The following SLC24A2 variants were observed in gnomAD, a reference collection of about 807,000 sequenced individuals.
SLC24A2 encodes sodium/potassium/calcium exchanger 2.
A neutral mutation model predicts 62.0 loss-of-function variants in SLC24A2; 36 were observed. The observed-to-expected ratio is 0.58, with a 90% CI of 0.44 to 0.77. The LOEUF (loss-of-function observed/expected upper bound fraction) is 0.77, where lower values mean the gene tolerates loss of function less well. SLC24A2 is among the 30% of genes least tolerant of loss of function. The pLI is 0.00. For missense variants in SLC24A2, 846 were observed against 817.9 expected, an observed-to-expected ratio of 1.03 and a Z score of -0.42; for synonymous variants, 358 against 294.0, an observed-to-expected ratio of 1.22 and a Z score of -2.23.
Position 19,632,672 on chromosome 9 carries a change from T to C in SLC24A2, c.931-10373A>G, listed in dbSNP as rs934344621. Among the ~76,000 whole-genome samples the C allele has an allele frequency of 2.0e-5, 3 of 152,196 alleles. No individual in the cohort carries two copies. The highest frequency in any genetic ancestry group is 4.4e-5 in the Non-Finnish European group (3 of 68,034). On this transcript the variant is annotated intron_variant, in intron 2 of 10. Coordinates refer to ENST00000341998, the MANE Select transcript of SLC24A2 (RefSeq NM_020344.4). The surrounding 1 kb of genome is among the most constrained non-coding windows in gnomAD (Gnocchi z 4.5). ...GAAATAATTATAGATTCACAAATAG[T>C]TGCAAAAATATGTATAGGGTGGTCC...
At chr9:20,145,834 A>T in the SLC24A2 span, among the ~76,000 whole-genome samples, 6 of 151,976 alleles carry the variant, frequency 3.9e-5, no homozygotes, top group Non-Finnish European at 7.4e-5. Flanking sequence ...ATAGCCATAC[A>T]TACATGTATT....
intron 2 of SLC24A2, among the ~76,000 whole-genome samples, chr9:19,732,585 G>A (rs1332447234): frequency 6.6e-6 from 1 of 152,196 alleles, no homozygotes; most frequent in Non-Finnish European, 1.5e-5. Flanking sequence ...CATATGCAAT[G>A]TCTTAATGAG....
chr9:20,083,281 G>A, the SLC24A2 span, among the ~76,000 whole-genome samples: 1 of 152,206 alleles, frequency 6.6e-6, no homozygotes. Flanking sequence ...AGGGAGGACT[G>A]CCTGCATCTC....
chr9:19,990,331 G>C, the SLC24A2 span, among the ~76,000 whole-genome samples: 1 of 152,060 alleles, frequency 6.6e-6, no homozygotes, highest in African/African-American at 2.4e-5. Flanking sequence ...ATCAAATGAG[G>C]CTGGGCACGG....
chr9:20,268,746 A>G, the SLC24A2 span, among the ~76,000 whole-genome samples: 1 of 152,184 alleles, frequency 6.6e-6, no homozygotes, highest in Admixed American at 6.5e-5. Context: ...CTCTCATGTA[A>G]AGGATTCAGG....
intron 7 of SLC24A2, among the ~76,000 whole-genome samples, chr9:19,571,426 G>A (rs1274022285): frequency 6.6e-6 from 1 of 152,114 alleles, no homozygotes; most frequent in Middle Eastern, 3.2e-3. Flanking sequence ...AGAAGTGGCT[G>A]CTAGGTTATA....
the SLC24A2 span, among the ~76,000 whole-genome samples, chr9:19,944,154 G>T: frequency 1.3e-5 from 2 of 152,066 alleles, no homozygotes; most frequent in African/African-American, 4.8e-5. Context: ...TAACGTTTGG[G>T]TACAATGCTC....
At chr9:20,159,635 T>C in the SLC24A2 span, among the ~76,000 whole-genome samples, 1 of 151,404 alleles carries the variant, frequency 6.6e-6, no homozygotes, top group East Asian at 1.9e-4. Flanking sequence ...AAGGGAAAAG[T>C]CAAATAAGAT....
intron 5 of SLC24A2, among the ~76,000 whole-genome samples, chr9:19,591,176 T>A (rs981941408): frequency 1.3e-5 from 2 of 152,140 alleles, no homozygotes; most frequent in African/African-American, 4.8e-5. Flanking sequence ...ACCCCCAAAT[T>A]TACATCTACA....
At chr9:19,906,893 A>G in the SLC24A2 span, among the ~76,000 whole-genome samples, 58 of 152,312 alleles carry the variant, frequency 3.8e-4, no homozygotes, top group South Asian at 0.012. Flanking sequence ...ATTCTACCAG[A>G]GGTACAAGGA....
At chr9:20,110,561 T>C in the SLC24A2 span, among the ~76,000 whole-genome samples, 14 of 152,178 alleles carry the variant, frequency 9.2e-5, no homozygotes, top group African/African-American at 3.4e-4. Context: ...CTCTTCCTTT[T>C]CTTGGTCTCC....
At chr9:20,093,888 C>T in the SLC24A2 span, among the ~76,000 whole-genome samples, 1 of 152,106 alleles carries the variant, frequency 6.6e-6, no homozygotes, top group Non-Finnish European at 1.5e-5. Flanking sequence ...AAATGATTAT[C>T]ATGCATTACC....
chr9:19,833,453 C>T, the SLC24A2 span, among the ~76,000 whole-genome samples: 128 of 152,322 alleles, frequency 8.4e-4, no homozygotes, highest in African/African-American at 2.9e-3. Context: ...TCGGAGGGTC[C>T]TATGCCCATG....
chr9:19,603,075 A>G (rs1441502441), intron 4 of SLC24A2, among the ~76,000 whole-genome samples: 1 of 152,150 alleles, frequency 6.6e-6, no homozygotes, highest in Non-Finnish European at 1.5e-5. Context: ...AATATCTGAA[A>G]CCATCCATGC....
the SLC24A2 span, among the ~76,000 whole-genome samples, chr9:19,898,618 T>C: frequency 6.6e-6 from 1 of 151,862 alleles, no homozygotes; most frequent in Non-Finnish European, 1.5e-5. Flanking sequence ...GGCGGGCACC[T>C]GTAGTCCCAG....
chr9:19,717,892 A>G (rs1482357045), intron 2 of SLC24A2, among the ~76,000 whole-genome samples: 3 of 152,148 alleles, frequency 2.0e-5, no homozygotes, highest in Non-Finnish European at 4.4e-5. Context: ...AACTTTAGTT[A>G]CAAGAAGAAA....
At chr9:19,868,359 G>T in the SLC24A2 span, among the ~76,000 whole-genome samples, 1 of 151,966 alleles carries the variant, frequency 6.6e-6, no homozygotes, top group Non-Finnish European at 1.5e-5. Context: ...TTTGATATTT[G>T]TAAATGTATT....
the SLC24A2 span, among the ~76,000 whole-genome samples, chr9:20,203,784 C>A: frequency 6.6e-6 from 1 of 152,102 alleles, no homozygotes; most frequent in Non-Finnish European, 1.5e-5. Flanking sequence ...AAATACATCC[C>A]AACCCAAACT....
chr9:19,605,948 C>T (rs1163144381), intron 4 of SLC24A2, among the ~76,000 whole-genome samples: 1 of 152,214 alleles, frequency 6.6e-6, no homozygotes, highest in Non-Finnish European at 1.5e-5. Flanking sequence ...TGCTCAGTAA[C>T]TAACTCTGCT....
Sources: allele counts gnomAD v4.1 joint callset (sites outside exome capture counted in the v4.1 genomes callset), GRCh38; gene constraint gnomAD v4.1.1; non-coding constraint Gnocchi (gnomAD v3.1); transcripts MANE v1.5; gene names NCBI Gene and HGNC (gene_info 2026-07-23, HGNC 2026-07-21).